Variants in CTNNA3 observed in about 807,000 individuals in gnomAD.
CTNNA3 encodes the protein catenin alpha 3.
A neutral mutation model predicts 95.7 loss-of-function variants in CTNNA3; 76 were observed. The observed-to-expected ratio is 0.79, with a 90% CI of 0.66 to 0.96. The LOEUF is 0.96. Among genes scored for constraint, CTNNA3 ranks in the 40% least tolerant of loss-of-function variants. The pLI, the probability that CTNNA3 is intolerant of heterozygous loss-of-function variation, is 0.00. For missense variants in CTNNA3, 1,191 were observed against 1,089.8 expected (o/e 1.09, Z -1.31); for synonymous variants, 431 against 374.4 (o/e 1.15, Z -1.74).
intron 7 of CTNNA3, among the ~76,000 whole-genome samples, chr10:66,908,907 T>C (rs1340737087): frequency 6.6e-6 from 1 of 152,198 alleles, no homozygotes; most frequent in Non-Finnish European, 1.5e-5. Flanking sequence ...TCTTAATTCT[T>C]CAGCACCTAG....
chr10:66,617,022 C>T (rs1844541105), intron 10 of CTNNA3, among the ~76,000 whole-genome samples: 1 of 151,904 alleles, frequency 6.6e-6, no homozygotes, highest in Non-Finnish European at 1.5e-5. Flanking sequence ...ATACACTGAA[C>T]AAATATTTAT....
chr10:65,990,130 T>C (rs904396882), intron 15 of CTNNA3, among the ~76,000 whole-genome samples: 3 of 151,676 alleles, frequency 2.0e-5, no homozygotes, highest in Non-Finnish European at 4.4e-5. Context: ...TTTATCCATT[T>C]ATCCAACACT....
chr10:67,508,302 G>A (rs537293557), intron 5 of CTNNA3, among the ~76,000 whole-genome samples: 69 of 152,130 alleles, frequency 4.5e-4, no homozygotes, highest in Non-Finnish European at 6.3e-4. Flanking sequence ...GTGAGCCACC[G>A]TGCCTAGCAG....
chr10:67,563,207 G>A (rs1841603365), intron 3 of CTNNA3, among the ~76,000 whole-genome samples: 1 of 152,114 alleles, frequency 6.6e-6, no homozygotes, highest in Admixed American at 6.6e-5. Context: ...AAAGAACAAA[G>A]CTGGAGGCAT....
rs568104178 is a variant in CTNNA3 at position 67,444,884 on chromosome 10, A to C, written c.579+76958T>G. ...AACCTGAAGAGACCAATAATAAGCA[A>C]AGAGATCCAAGCCATAATAAAGTGT... On this transcript the variant is annotated intron_variant, in intron 5 of 17. Coordinates refer to ENST00000433211, the MANE Select transcript of CTNNA3 (RefSeq NM_013266.4). Among the ~76,000 whole-genome samples, 414 of 152,260 alleles carry C rather than the reference A, an allele frequency of 2.7e-3. 8 individuals carry two copies. The South Asian group carries it at 0.037, about 14-fold the overall frequency.
At chr10:67,436,201 C>CA (rs1237483463) in intron 5 of CTNNA3, among the ~76,000 whole-genome samples, 1 of 151,956 alleles carries the variant, frequency 6.6e-6, no homozygotes, top group Non-Finnish European at 1.5e-5. Flanking sequence ...TTCAACAAAG[C>CA]AAACAAAAAC....
intron 7 of CTNNA3, among the ~76,000 whole-genome samples, chr10:66,939,480 A>T (rs1284154217): frequency 3.3e-5 from 5 of 152,314 alleles, no homozygotes; most frequent in African/African-American, 9.6e-5. Flanking sequence ...TTTAATGTAA[A>T]AGGAGGGAAA....
chr10:67,711,075 G>C (rs1048045960), intron 1 of CTNNA3, among the ~76,000 whole-genome samples: 2 of 152,200 alleles, frequency 1.3e-5, no homozygotes, highest in African/African-American at 4.8e-5. Flanking sequence ...CTGCCACCAT[G>C]TGAGACATGC....
At chr10:66,283,774 T>C (rs1188090945) in intron 12 of CTNNA3, among the ~76,000 whole-genome samples, 1 of 151,920 alleles carries the variant, frequency 6.6e-6, no homozygotes, top group East Asian at 1.9e-4. Context: ...GCTGTGGGTG[T>C]ACTTTACTTA....
intron 5 of CTNNA3, among the ~76,000 whole-genome samples, chr10:67,319,896 C>A (rs1168607496): frequency 0.011 from 1,163 of 102,574 alleles, no homozygotes; most frequent in South Asian, 0.014. Context: ...GACTCAGTCT[C>A]AAAAAAAAAA....
intron 7 of CTNNA3, among the ~76,000 whole-genome samples, chr10:66,792,311 T>C (rs1434383195): frequency 6.6e-6 from 1 of 152,238 alleles, no homozygotes; most frequent in Non-Finnish European, 1.5e-5. Flanking sequence ...TTTCCATTTG[T>C]GATTCAGCAT....
chr10:66,439,675 A>G (rs562822993), intron 11 of CTNNA3, among the ~76,000 whole-genome samples: 12 of 152,340 alleles, frequency 7.9e-5, no homozygotes, highest in African/African-American at 2.9e-4. Flanking sequence ...AAATCAAAAT[A>G]GTAATTATAT....
chr10:67,119,178 G>C (rs140094644), intron 7 of CTNNA3, among the ~76,000 whole-genome samples: 125 of 152,012 alleles, frequency 8.2e-4, no homozygotes, highest in African/African-American at 2.9e-3. Context: ...TACTGAGAGT[G>C]AGAATTTTTC....
At chr10:66,528,487 G>C (rs1841347702) in intron 10 of CTNNA3, among the ~76,000 whole-genome samples, 1 of 152,058 alleles carries the variant, frequency 6.6e-6, no homozygotes, top group African/African-American at 2.4e-5. Flanking sequence ...TGTATTTACA[G>C]GCATCTCATT....
rs149909965 is a variant in CTNNA3, at chr10:66,656,538, A to T, written c.1282-34754T>A. On this transcript the variant is annotated intron_variant, in intron 9 of 17. Coordinates refer to ENST00000433211, the MANE Select transcript of CTNNA3 (RefSeq NM_013266.4). ...GGACTTTATACATAGGTGAGAGAGGACTTGCTAGTTTATGTAAAGTTCAAC... is the reference window on the plus strand; with the variant it reads ...GGACTTTATACATAGGTGAGAGAGGTCTTGCTAGTTTATGTAAAGTTCAAC... 8.5e-5 allele frequency among the ~76,000 whole-genome samples: 13 copies of T among 152,206 alleles called. No homozygotes were observed. In the East Asian group the frequency reaches 2.5e-3, roughly 29 times the overall value.
intron 12 of CTNNA3, among the ~76,000 whole-genome samples, chr10:66,358,478 T>C (rs2132414810): frequency 6.6e-6 from 1 of 152,296 alleles, no homozygotes; most frequent in East Asian, 1.9e-4. Flanking sequence ...TGTCCAATGT[T>C]GTAGTTGACA....
chr10:67,708,691 C>A (rs894272874), intron 1 of CTNNA3, among the ~76,000 whole-genome samples: 1 of 152,026 alleles, frequency 6.6e-6, no homozygotes, highest in Non-Finnish European at 1.5e-5. Flanking sequence ...TCTGTTTGTG[C>A]AAATGTAAAG....
chr10:66,249,708 A>G (rs988907154), intron 13 of CTNNA3, among the ~76,000 whole-genome samples: 2 of 152,166 alleles, frequency 1.3e-5, no homozygotes, highest in African/African-American at 4.8e-5. Flanking sequence ...AACCACCATG[A>G]AAAATAGTTT....
chr10:66,020,920 T>G (rs3936495), intron 15 of CTNNA3, among the ~76,000 whole-genome samples: 108,923 of 151,682 alleles, frequency 0.72, 39,376 homozygotes, highest in East Asian at 0.93. Context: ...TGATCCGCCC[T>G]CCTTGGCCTC....
Sources: gnomAD v4.1 joint callset for allele counts (sites outside exome capture counted in the v4.1 genomes callset) on GRCh38, gnomAD v4.1.1 for gene constraint, MANE v1.5 for transcripts, NCBI Gene and HGNC (gene_info 2026-07-23, HGNC 2026-07-21) for gene names.